Variants in PABPC4L observed in about 807,000 individuals in gnomAD.
The protein encoded by PABPC4L is poly(A) binding protein cytoplasmic 4 like.
For synonymous variants in PABPC4L, 169 were observed against 164.1 expected, an observed-to-expected ratio of 1.03 and a Z score of -0.23; for missense variants, 452 against 451.4, an observed-to-expected ratio of 1.00 and a Z score of -0.01.
At chr4:133,995,735 T>A in the PABPC4L span, among the ~76,000 whole-genome samples, 1 of 152,138 alleles carries the variant, frequency 6.6e-6, no homozygotes, top group Non-Finnish European at 1.5e-5. Flanking sequence ...CCCTGGAGCA[T>A]AGCAGCTGTT....
the PABPC4L span, among the ~76,000 whole-genome samples, chr4:134,130,993 C>A: frequency 8.5e-5 from 13 of 152,106 alleles, no homozygotes; most frequent in Non-Finnish European, 1.6e-4. Context: ...ATACATCATC[C>A]CTTTATGATT....
At chr4:134,051,618 A>G in the PABPC4L span, among the ~76,000 whole-genome samples, 3 of 152,198 alleles carry the variant, frequency 2.0e-5, no homozygotes, top group East Asian at 5.8e-4. Flanking sequence ...TAGGCATTGA[A>G]AAAATCTTTA....
the PABPC4L span, among the ~76,000 whole-genome samples, chr4:134,011,339 T>C: frequency 6.6e-6 from 1 of 152,014 alleles, no homozygotes; most frequent in South Asian, 2.1e-4. Flanking sequence ...TTGAAAATCA[T>C]AGAAAGTAAA....
chr4:134,095,921 A>C, the PABPC4L span, among the ~76,000 whole-genome samples: 1 of 151,720 alleles, frequency 6.6e-6, no homozygotes, highest in Non-Finnish European at 1.5e-5. Context: ...CCAAAACAGC[A>C]CTCCTAGTCA....
At chr4:134,045,856 T>C in the PABPC4L span, among the ~76,000 whole-genome samples, 1 of 152,214 alleles carries the variant, frequency 6.6e-6, no homozygotes, top group Non-Finnish European at 1.5e-5. Flanking sequence ...ATTTCCTTAC[T>C]ATGTTCTCTA....
the PABPC4L span, among the ~76,000 whole-genome samples, chr4:134,077,326 C>CT: frequency 6.6e-6 from 1 of 152,192 alleles, no homozygotes; most frequent in South Asian, 2.1e-4. Context: ...CTTACTTTTA[C>CT]TTTTTTCTCC....
the PABPC4L span, among the ~76,000 whole-genome samples, chr4:134,153,736 C>T: frequency 1.3e-5 from 2 of 150,820 alleles, no homozygotes; most frequent in African/African-American, 4.9e-5. Context: ...CAGCCTTGAA[C>T]TCCTAGCTCA....
At chr4:134,169,349 T>G in the PABPC4L span, among the ~76,000 whole-genome samples, 1 of 152,002 alleles carries the variant, frequency 6.6e-6, no homozygotes, top group Admixed American at 6.6e-5. Flanking sequence ...ATTATCATAC[T>G]GAAAAACTGA....
the PABPC4L span, among the ~76,000 whole-genome samples, chr4:134,049,400 C>G: frequency 6.6e-6 from 1 of 151,986 alleles, no homozygotes; most frequent in Non-Finnish European, 1.5e-5. Flanking sequence ...ATTTTTTATT[C>G]TTATAAAGCA....
chr4:134,188,918 A>G, the PABPC4L span, among the ~76,000 whole-genome samples: 2 of 151,774 alleles, frequency 1.3e-5, no homozygotes, highest in Non-Finnish European at 2.9e-5. Flanking sequence ...TTCTTCATTT[A>G]ATATTTTCAT....
chr4:134,159,806 C>T, the PABPC4L span, among the ~76,000 whole-genome samples: 31 of 152,154 alleles, frequency 2.0e-4, no homozygotes, highest in Non-Finnish European at 2.9e-4. Context: ...TGCAGAAGCC[C>T]GCAGCCCTGA....
the PABPC4L span, among the ~76,000 whole-genome samples, chr4:133,970,838 C>T: frequency 1.3e-5 from 2 of 152,162 alleles, no homozygotes; most frequent in Non-Finnish European, 2.9e-5. Flanking sequence ...AAGAGACTGC[C>T]ATCTGTGAAT....
the PABPC4L span, among the ~76,000 whole-genome samples, chr4:134,173,764 G>A: frequency 6.6e-6 from 1 of 152,160 alleles, no homozygotes; most frequent in Non-Finnish European, 1.5e-5. Context: ...TGATGCATAA[G>A]CCAATTACCC....
chr4:134,200,302 G>C lies in PABPC4L; in HGVS notation c.718C>G (p.His240Asp). Reference sequence around the variant, plus strand: ...TCAACAGCTTTCTTGGCAGCCTCATGGCTATCAAAACTCACAAAGCCAAAG... The same window carrying C: ...TCAACAGCTTTCTTGGCAGCCTCATCGCTATCAAAACTCACAAAGCCAAAG... ...KGFGFVSFDS[H>D]EAAKKAVEEM... The change falls in exon 2 of 2, where the codon CAT becomes GAT. Residue 240 changes from histidine (H) to aspartate (D), a missense_variant. Transcript: ENST00000421491. 6.3e-7 allele frequency: 1 copy of C among 1,585,924 alleles called. No individual in the cohort carries two copies. Among genetic ancestry groups the C allele is most frequent in the South Asian group, 1.1e-5 (1 of 86,992 alleles).
chr4:134,015,768 A>C, the PABPC4L span, among the ~76,000 whole-genome samples: 1 of 152,068 alleles, frequency 6.6e-6, no homozygotes, highest in South Asian at 2.1e-4. Context: ...TTTTTATCCA[A>C]ACAACTTGAC....
the PABPC4L span, among the ~76,000 whole-genome samples, chr4:134,165,188 A>G: frequency 6.6e-6 from 1 of 152,178 alleles, no homozygotes; most frequent in Non-Finnish European, 1.5e-5. Context: ...ATTCTAAAAG[A>G]AAACCTAGGA....
the PABPC4L span, among the ~76,000 whole-genome samples, chr4:134,022,730 T>C: frequency 6.6e-6 from 1 of 152,020 alleles, no homozygotes; most frequent in African/African-American, 2.4e-5. Context: ...AAGCTCCACA[T>C]CAGCTTGAGG....
At chr4:134,114,239 TA>T in the PABPC4L span, among the ~76,000 whole-genome samples, 1 of 151,342 alleles carries the variant, frequency 6.6e-6, no homozygotes, top group Non-Finnish European at 1.5e-5. Flanking sequence ...GTCACACAGG[TA>T]AAAAAATGTG....
At chr4:134,186,733 A>G in the PABPC4L span, among the ~76,000 whole-genome samples, 2 of 152,292 alleles carry the variant, frequency 1.3e-5, no homozygotes, top group Middle Eastern at 6.8e-3. Flanking sequence ...AGCAAAAGAA[A>G]CTACCATCAG....
Sources: allele counts gnomAD v4.1 joint callset (sites outside exome capture counted in the v4.1 genomes callset), GRCh38; gene constraint gnomAD v4.1.1; transcripts MANE v1.5; gene names NCBI Gene and HGNC (gene_info 2026-07-23, HGNC 2026-07-21).